DIXDC1: variants seen among roughly 807,000 people sequenced by gnomAD.
DIXDC1 encodes the protein dixin.
DIXDC1 carries 64 observed loss-of-function variants against 103.1 expected under a neutral mutation model. That is an observed-to-expected ratio of 0.62 (90% CI 0.51 to 0.76). The LOEUF is 0.76. DIXDC1 is among the 30% of genes least tolerant of loss of function. The pLI is 0.00. For synonymous variants in DIXDC1, 266 were observed against 298.5 expected (o/e 0.89, Z 1.12); for missense variants, 759 against 834.2 (o/e 0.91, Z 1.11).
intron 1 of DIXDC1, among the ~76,000 whole-genome samples, chr11:111,943,189 T>C (rs1555169029): frequency 6.6e-6 from 1 of 152,202 alleles, no homozygotes; most frequent in Admixed American, 6.5e-5. Flanking sequence ...CAGGCTGGAG[T>C]GCAGTGATGT....
At chr11:112,008,131 C>CAAAAAA (rs782037838) in intron 17 of DIXDC1, among the ~76,000 whole-genome samples, 28 of 52,122 alleles carry the variant, frequency 5.4e-4, no homozygotes, top group Admixed American at 9.1e-4. Flanking sequence ...AAATGCAAAG[C>CAAAAAA]AAAAAAAAAA....
intron 1 of DIXDC1, among the ~76,000 whole-genome samples, chr11:111,957,926 C>CG (rs1166335189): frequency 1.3e-5 from 2 of 152,226 alleles, no homozygotes; most frequent in Non-Finnish European, 2.9e-5. Flanking sequence ...CAGGTGTGGC[C>CG]GGGGCGGCAC....
At chr11:111,988,902 C>T (rs781938593) in intron 9 of DIXDC1, 103 bp from the exon 10 acceptor site, 71 of 983,842 alleles carry the variant, frequency 7.2e-5, no homozygotes, top group African/African-American at 1.3e-4. Flanking sequence ...TAATTTTTCA[C>T]GGAATGATCA....
intron 1 of DIXDC1, among the ~76,000 whole-genome samples, chr11:111,941,510 C>G (rs1966413350): frequency 6.6e-6 from 1 of 152,026 alleles, no homozygotes; most frequent in Admixed American, 6.6e-5. Flanking sequence ...ATCCGCTTGG[C>G]AGTCCCTTAG....
chr11:111,937,188 C>G (rs1966230290), upstream of DIXDC1: 2 of 1,083,336 alleles, frequency 1.8e-6, no homozygotes, highest in Non-Finnish European at 2.2e-6. Context: ...GCCAGCCCGC[C>G]TGGCCGTGCG....
At chr11:112,014,044 C>G (rs1204018253) in intron 17 of DIXDC1, among the ~76,000 whole-genome samples, 1 of 152,140 alleles carries the variant, frequency 6.6e-6, no homozygotes, top group Non-Finnish European at 1.5e-5. Flanking sequence ...TCCTCCTCCC[C>G]AAGGAGGGCA....
At chr11:111,966,785 T>A (rs1332355147) in intron 2 of DIXDC1, among the ~76,000 whole-genome samples, 6 of 152,226 alleles carry the variant, frequency 3.9e-5, no homozygotes, top group African/African-American at 1.4e-4. Flanking sequence ...CTATATTCAC[T>A]GGATCCACTT....
chr11:112,012,545 A>G (rs1861457053), intron 17 of DIXDC1, among the ~76,000 whole-genome samples: 1 of 152,208 alleles, frequency 6.6e-6, no homozygotes. Flanking sequence ...ACCATATGCA[A>G]AAATCAACTC....
intron 1 of DIXDC1, among the ~76,000 whole-genome samples, chr11:111,929,072 G>C (rs980616787): frequency 6.6e-6 from 1 of 151,360 alleles, no homozygotes; most frequent in Non-Finnish European, 1.5e-5. Flanking sequence ...CCAGCTACTC[G>C]GGAGGCTGAG....
intron 17 of DIXDC1, among the ~76,000 whole-genome samples, chr11:111,997,527 G>A (rs1228745614): frequency 6.6e-6 from 1 of 152,028 alleles, no homozygotes; most frequent in African/African-American, 2.4e-5. Flanking sequence ...GTAGAGATGG[G>A]GTTTCGCCAT....
rs1160321424 is a variant in DIXDC1, at chr11:111,991,991, A to G, written c.1114-424A>G. ...GATTGAGTATTTATATGCCCAAGAT[A>G]TAAATGAGAAAGCCCAGGTGGGAGA... On this transcript the variant is annotated intron_variant, in intron 10 of 19. Transcript: ENST00000440460. Among the ~76,000 whole-genome samples, 5 of 152,252 alleles carry G rather than the reference A, an allele frequency of 3.3e-5. No individual in the cohort carries two copies. In the East Asian group the frequency reaches 5.8e-4, roughly 18 times the overall value.
chr11:111,965,866 CATAACT>C (rs1357369224), intron 2 of DIXDC1, among the ~76,000 whole-genome samples: 6 of 152,170 alleles, frequency 3.9e-5, no homozygotes, highest in African/African-American at 1.4e-4. Flanking sequence ...TACAAAGTCA[CATAACT>C]ATAAGTGCCA....
chr11:111,958,534 T>C lies in DIXDC1; in HGVS notation c.61-6015T>C, dbSNP rs1859465592. ...TGCTGCCTTAGCTCCCTCTGGACTT[T>C]GGGTGCCGAAAAGCACCAGAGGGAG... On this transcript the variant is annotated intron_variant, in intron 1 of 19. Transcript: ENST00000440460. This position sits in a 1 kb window ranked among gnomAD's most constrained non-coding sequence, Gnocchi z 4.2. Among the ~76,000 whole-genome samples the C allele has an allele frequency of 6.6e-6, 1 of 152,196 alleles. No homozygotes were observed. The highest frequency in any genetic ancestry group is 1.5e-5 in the Non-Finnish European group (1 of 68,032).
At chr11:111,949,432 G>A (rs113890495) in intron 1 of DIXDC1, among the ~76,000 whole-genome samples, 2,961 of 152,094 alleles carry the variant, frequency 0.019, 53 homozygotes, top group African/African-American at 0.046. Context: ...TCTTTTTGTC[G>A]CTCCCTACAT....
At chr11:111,934,749 A>G (rs1467359258), upstream of DIXDC1, among the ~76,000 whole-genome samples, 1 of 152,164 alleles carries the variant, frequency 6.6e-6, no homozygotes, top group Non-Finnish European at 1.5e-5. Flanking sequence ...TTCTGAGCAA[A>G]AAAAAAAATG....
At chr11:111,994,047 A>T (rs1401378195) in intron 14 of DIXDC1, among the ~76,000 whole-genome samples, 4 of 152,240 alleles carry the variant, frequency 2.6e-5, no homozygotes, top group Non-Finnish European at 5.9e-5. Flanking sequence ...ATAAATAACT[A>T]AACACAGTTC....
At position 111,976,077 on chromosome 11, in the gene DIXDC1, A is replaced by C; in HGVS notation, c.656+1094A>C. 7.8e-6 allele frequency: 2 copies of C among 256,050 alleles called. No homozygotes were observed. Among genetic ancestry groups the C allele is most frequent in the Non-Finnish European group, 1.2e-5 (2 of 163,076 alleles). 15.9% of individuals were successfully genotyped at this position (256,050 alleles called of 1,614,324 possible). On this transcript the variant is annotated intron_variant, in intron 5 of 19. Transcript: ENST00000440460. The surrounding 1 kb of genome is among the most constrained non-coding windows in gnomAD (Gnocchi z 4.3). ...TCAGAAGACATCTTCATCACCCCAA[A>C]AGGAAGCCCTGCGCCCATTAAGCAG...
intron 17 of DIXDC1, among the ~76,000 whole-genome samples, chr11:112,006,344 C>T (rs905378117): frequency 5.9e-5 from 9 of 152,150 alleles, no homozygotes; most frequent in Admixed American, 2.6e-4. Context: ...GTAGCCCCCA[C>T]CTCTGGGAGC....
chr11:112,016,867 C>T, intron 18 of DIXDC1, 71 bp downstream of exon 18: 1 of 1,297,370 alleles, frequency 7.7e-7, no homozygotes, highest in Non-Finnish European at 1.1e-6. Context: ...AGTTACTGCC[C>T]ACATGAGCAG....
Sources: allele counts gnomAD v4.1 joint callset (sites outside exome capture counted in the v4.1 genomes callset), GRCh38; gene constraint gnomAD v4.1.1; non-coding constraint Gnocchi (gnomAD v3.1); transcripts MANE v1.5; gene names NCBI Gene and HGNC (gene_info 2026-07-23, HGNC 2026-07-21).